E2F6: variants seen among roughly 807,000 people sequenced by gnomAD.
E2F6 encodes the protein E2F transcription factor 6, also known as transcription factor E2F6.
Under a neutral mutation model 31.5 loss-of-function variants are expected in E2F6, and 19 were observed. The observed-to-expected ratio is 0.60, with a 90% CI of 0.42 to 0.89. The LOEUF (loss-of-function observed/expected upper bound fraction) is 0.89. Ranked by LOEUF, E2F6 falls within the 40% of genes least tolerant of loss-of-function variation. E2F6 has a pLI of 0.00. For synonymous variants in E2F6, 121 were observed against 127.7 expected (o/e 0.95, Z 0.36); for missense variants, 269 against 341.6 (o/e 0.79, Z 1.67).
intron 4 of E2F6, 45 bp downstream of exon 4, chr2:11,451,606 G>T: frequency 6.4e-7 from 1 of 1,558,706 alleles, no homozygotes. Flanking sequence ...TAAGTAATCT[G>T]TTTTGGAAGC....
At chr2:11,459,760 T>C (rs1671649917) in intron 1 of E2F6, among the ~76,000 whole-genome samples, 1 of 152,008 alleles carries the variant, frequency 6.6e-6, no homozygotes, top group Non-Finnish European at 1.5e-5. Flanking sequence ...GGTGGGCACC[T>C]GTAATAAAAG....
intron 6 of E2F6, among the ~76,000 whole-genome samples, chr2:11,446,802 C>T (rs1480101173): frequency 6.6e-6 from 1 of 152,236 alleles, no homozygotes; most frequent in African/African-American, 2.4e-5. Context: ...GCCGTCACGA[C>T]TCCCCCAGTC....
rs112341910 is a variant in E2F6 at position 11,446,430 on chromosome 2, G to A, written c.*47C>T. The A allele has an allele frequency of 0.023, 32,104 of 1,402,478 alleles. 486 individuals are homozygous for A. The highest frequency in any genetic ancestry group is 0.046 in the Middle Eastern group (261 of 5,614). The allele number at this position is 1,402,478 out of a possible 1,614,324, so 86.9% of individuals were successfully genotyped here. ...TCAAATTTGATGCGTAATTCTCCAC[G>A]AAGATATTCCCAAAAAACTCAGTGA... On this transcript the variant is annotated 3_prime_UTR_variant, in exon 7 of 7. Coordinates refer to ENST00000381525, the MANE Select transcript of E2F6 (RefSeq NM_198256.4).
rs1346390982 is a variant in E2F6, at chr2:11,455,364, T to C, written c.164-1566A>G. The stretch of plus-strand genomic sequence containing the variant: ...TACCTTCAGTCAGAAATGTCCTTAC[T>C]CAGAACCTCCACAATGTCACATTTA... On this transcript the variant is annotated intron_variant, in intron 2 of 6. Transcript: ENST00000381525. 2.5e-6 allele frequency: 3 copies of C among 1,223,224 alleles called. No individual in the cohort carries two copies. In the Admixed American group the frequency reaches 9.4e-5, roughly 38 times the overall value. The allele number at this position is 1,223,224 out of a possible 1,614,324, so 75.8% of individuals were successfully genotyped here.
In E2F6 at chr2:11,444,851, T is replaced by C. The variant is rs1670626730; in HGVS notation, c.*1626A>G. 1 of 152,290 alleles carries C rather than the reference T, an allele frequency of 6.6e-6. No homozygotes were observed. The highest frequency in any genetic ancestry group is 6.5e-5 in the Admixed American group (1 of 15,282). The allele number at this position is 152,290 out of a possible 1,614,324, so 9.4% of individuals were successfully genotyped here. A position where few individuals can be genotyped will look rare whatever the true frequency, so the allele number is the denominator to read the frequency against. On this transcript the variant is annotated 3_prime_UTR_variant, in exon 7 of 7. Transcript: ENST00000381525. ...TACCCTAGGCTTGCTCCTCCTCCTG[T>C]ATTCCCTATTCTGTCAAACAGTACG... is the stretch of plus-strand genomic sequence containing the variant.
chr2:11,447,820 C>G lies in E2F6; in HGVS notation c.652-46G>C, dbSNP rs752149525. 10 of 1,578,652 alleles carry G rather than the reference C, an allele frequency of 6.3e-6. No individual in the cohort carries two copies. In the Admixed American group the frequency reaches 1.1e-4, roughly 18 times the overall value. ...CGTCAAGATGAATGAAATAATAAAT[C>G]ATATTTTTTCACTCACTAGAACTGC... is the stretch of plus-strand genomic sequence containing the variant. On this transcript the variant is annotated intron_variant, in intron 5 of 6. Transcript: ENST00000381525.
chr2:11,465,687 G>A (rs1672145701), intron 1 of E2F6, 85 bp downstream of exon 1: 3 of 1,420,720 alleles, frequency 2.1e-6, no homozygotes, highest in Non-Finnish European at 2.9e-6. Flanking sequence ...CCCAGACGAC[G>A]GCCAGCGGGG....
At chr2:11,461,668 A>G (rs998130677) in intron 1 of E2F6, among the ~76,000 whole-genome samples, 5 of 152,228 alleles carry the variant, frequency 3.3e-5, no homozygotes, top group Non-Finnish European at 5.9e-5. Context: ...TTCAACTTCC[A>G]TTGTAATTTG....
intron 2 of E2F6, among the ~76,000 whole-genome samples, chr2:11,454,265 T>G (rs541244211): frequency 6.6e-6 from 1 of 152,168 alleles, no homozygotes; most frequent in Non-Finnish European, 1.5e-5. Context: ...ATAGTGTAAG[T>G]TGTCTGATGA....
rs756753651 is a variant in E2F6, at chr2:11,455,474, A to G, written c.164-1676T>C. The G allele has an allele frequency of 6.2e-6, 8 of 1,297,898 alleles. No individual in the cohort carries two copies. In the East Asian group the frequency reaches 1.7e-4, roughly 27 times the overall value. 80.4% of individuals were successfully genotyped at this position (1,297,898 alleles called of 1,614,324 possible). On this transcript the variant is annotated intron_variant, in intron 2 of 6. Coordinates refer to ENST00000381525, the MANE Select transcript of E2F6 (RefSeq NM_198256.4). ...TCTTCTCTCTGGAGCCCATTCCTACACTTAAGATTAAATAGGCGTAAATTA... is the reference window on the plus strand; with the variant it reads ...TCTTCTCTCTGGAGCCCATTCCTACGCTTAAGATTAAATAGGCGTAAATTA...
rs1384090413 is a variant in E2F6, at chr2:11,451,706, T to G, written c.481A>C (p.Ile161Leu). The change falls in exon 4 of 7, where the codon ATT (isoleucine) becomes CTT (leucine). Residue 161 changes from isoleucine (I) to leucine (L), a missense_variant. Coordinates refer to ENST00000381525, the MANE Select transcript of E2F6 (RefSeq NM_198256.4). The part of the protein sequence containing the change: ...SAMEDALDEL[I>L]KDCAQQLFEL... ...AACAGCTGCTGAGCACAATCCTTAA[T>G]TAACTCATCCAAAGCATCTTCCATT... 2 of 1,611,492 alleles carry G rather than the reference T, an allele frequency of 1.2e-6. No homozygotes were observed. Among genetic ancestry groups the G allele is most frequent in the South Asian group, 1.1e-5 (1 of 90,650 alleles).
In E2F6 at chr2:11,465,778, G is replaced by A. The variant is rs760815694; in HGVS notation, c.102C>T (p.Gly34=). Residue 34 remains glycine (G), a synonymous_variant, in exon 1 of 7, where the codon GGC becomes GGT. Coordinates refer to ENST00000381525, the MANE Select transcript of E2F6 (RefSeq NM_198256.4). ...RRCRDPINVE[G]LLPSKIRINL... ...GTCCCGTCCCGGAGCTTACCAGCAGGCCCTCCACGTTGATGGGGTCTCGGC... is the reference window on the plus strand; with the variant it reads ...GTCCCGTCCCGGAGCTTACCAGCAGACCCTCCACGTTGATGGGGTCTCGGC... 67 of 1,594,470 alleles carry A rather than the reference G, an allele frequency of 4.2e-5. No individual in the cohort carries two copies. Among genetic ancestry groups the A allele is most frequent in the Non-Finnish European group, 5.5e-5 (64 of 1,171,496 alleles).
At chr2:11,460,224 T>C (rs1671690961) in intron 1 of E2F6, among the ~76,000 whole-genome samples, 1 of 152,222 alleles carries the variant, frequency 6.6e-6, no homozygotes, top group Non-Finnish European at 1.5e-5. Context: ...TCTATACAGA[T>C]GTTTCTCTAC....
intron 1 of E2F6, chr2:11,458,422 C>T (rs1345895407): frequency 4.7e-6 from 7 of 1,497,566 alleles, no homozygotes; most frequent in African/African-American, 2.8e-5. Context: ...ATGTATATGG[C>T]ATGGCATGTT....
intron 1 of E2F6, chr2:11,458,385 G>A (rs1056656706): frequency 1.3e-5 from 20 of 1,549,148 alleles, no homozygotes; most frequent in Non-Finnish European, 1.7e-5. Flanking sequence ...CAGGATTGTG[G>A]TACCGGAAAT....
chr2:11,462,247 C>T (rs1671826458), intron 1 of E2F6, among the ~76,000 whole-genome samples: 1 of 152,158 alleles, frequency 6.6e-6, no homozygotes, highest in Non-Finnish European at 1.5e-5. Context: ...ACCCTTATCC[C>T]TGGGAGCTAC....
chr2:11,446,929 G>C (rs553861770), intron 6 of E2F6, among the ~76,000 whole-genome samples: 1 of 152,200 alleles, frequency 6.6e-6, no homozygotes, highest in South Asian at 2.1e-4. Context: ...CTGTGGCTCT[G>C]CAAGGGCCAC....
At chr2:11,465,703 G>A in intron 1 of E2F6, 69 bp downstream of exon 1, 2 of 1,507,740 alleles carry the variant, frequency 1.3e-6, no homozygotes, top group Admixed American at 2.0e-5. Context: ...CGGGGTTGGC[G>A]GCGGCGCGGG....
At chr2:11,459,838 C>G (rs180741140) in intron 1 of E2F6, among the ~76,000 whole-genome samples, 1 of 151,742 alleles carries the variant, frequency 6.6e-6, no homozygotes, top group Non-Finnish European at 1.5e-5. Context: ...GAGCTGAGAT[C>G]GTGCCATTGC....
Sources: gnomAD v4.1 joint callset for allele counts (sites outside exome capture counted in the v4.1 genomes callset) on GRCh38, gnomAD v4.1.1 for gene constraint, MANE v1.5 for transcripts, NCBI Gene and HGNC (gene_info 2026-07-23, HGNC 2026-07-21) for gene names.